Variants in PCDHGA1 observed in about 807,000 individuals in gnomAD.
The protein encoded by PCDHGA1 is protocadherin gamma subfamily A, 1.
Under a neutral mutation model 58.0 loss-of-function variants are expected in PCDHGA1, and 32 were observed. The ratio of observed to expected loss-of-function variants is 0.55; its 90% CI spans 0.42 to 0.74. The LOEUF (loss-of-function observed/expected upper bound fraction) is 0.74. PCDHGA1 is among the 30% of genes least tolerant of loss of function. The pLI is 0.00. For missense variants in PCDHGA1, 1,205 were observed against 1,182.3 expected (o/e 1.02, Z -0.28); for synonymous variants, 498 against 501.1 (o/e 0.99, Z 0.08).
At chr5:141,450,006 CTT>C (rs1554136305) in intron 1 of PCDHGA1, among the ~76,000 whole-genome samples, 13 of 132,938 alleles carry the variant, frequency 9.8e-5, no homozygotes, top group Non-Finnish European at 7.9e-5. Flanking sequence ...TGCCATGTCT[CTT>C]TTTTTTTTTT....
At chr5:141,365,624 CT>C (rs746073456) in intron 1 of PCDHGA1, 28 of 1,613,680 alleles carry the variant, frequency 1.7e-5, no homozygotes, top group East Asian at 1.3e-4. Flanking sequence ...AACCCCGCCC[CT>C]CTCTACAGAA....
Position 141,414,298 on chromosome 5 carries a change from G to A in PCDHGA1, c.2422-80509G>A, listed in dbSNP as rs200349573. ...GGGAACAGTCGTAGCCCTTTTAAAT[G>A]TGCATGATTTAGACTCTGAGCAGAA... On this transcript the variant is annotated intron_variant, in intron 1 of 3. Transcript: ENST00000517417. The A allele has an allele frequency of 1.9e-5, 30 of 1,613,626 alleles. No homozygotes were observed. In the East Asian group the frequency reaches 6.7e-4, roughly 36 times the overall value.
chr5:141,371,628 C>G (rs1247615659), intron 1 of PCDHGA1: 1 of 1,614,006 alleles, frequency 6.2e-7, no homozygotes, highest in Non-Finnish European at 8.5e-7. Flanking sequence ...AGCCCTGGAC[C>G]GGGAGCAGAT....
chr5:141,339,417 G>A, intron 1 of PCDHGA1: 1 of 1,614,236 alleles, frequency 6.2e-7, no homozygotes, highest in Admixed American at 1.7e-5. Context: ...ACTACGCCAG[G>A]ATTCCGGATT....
chr5:141,464,053 T>C (rs111614367), intron 1 of PCDHGA1, among the ~76,000 whole-genome samples: 9,857 of 152,054 alleles, frequency 0.065, 668 homozygotes, highest in African/African-American at 0.17. Flanking sequence ...TCACCTGAGG[T>C]CAGGAGTTCA....
chr5:141,431,442 TCC>T lies in PCDHGA1; in HGVS notation c.2422-63364_2422-63363del. ...CCGGTGCGCACAGGCACCGCGCGCATCCGCGTGATGGTTCTGGATGCGAACGA... is the reference window on the plus strand; with the variant it reads ...CCGGTGCGCACAGGCACCGCGCGCATGCGTGATGGTTCTGGATGCGAACGA... On this transcript the variant is annotated intron_variant, in intron 1 of 3. Transcript: ENST00000517417. This position sits in a 1 kb window ranked among gnomAD's most constrained non-coding sequence, Gnocchi z 4.8. 1 of 1,613,746 alleles carries T rather than the reference TCC, an allele frequency of 6.2e-7. No homozygotes were observed. The highest frequency in any genetic ancestry group is 1.3e-5 in the African/African-American group (1 of 75,074).
chr5:141,384,528 C>A (rs1443944722), intron 1 of PCDHGA1: 2 of 1,614,136 alleles, frequency 1.2e-6, no homozygotes, highest in Admixed American at 3.3e-5. Flanking sequence ...CGCCTCTCAG[C>A]AGCAACATGT....
chr5:141,493,336 A>G lies in PCDHGA1; in HGVS notation c.2422-1471A>G, dbSNP rs1049621539. Among the ~76,000 whole-genome samples, 4 of 152,202 alleles carry G rather than the reference A, an allele frequency of 2.6e-5. No homozygotes were observed. Among genetic ancestry groups the G allele is most frequent in the African/African-American group, 9.7e-5 (4 of 41,450 alleles). On this transcript the variant is annotated intron_variant, in intron 1 of 3. Transcript: ENST00000517417. The surrounding 1 kb of genome is among the most constrained non-coding windows in gnomAD (Gnocchi z 4.3). ...GAGATTCTAACCCCTGTCTAACTCC[A>G]GAATGTGTGCTTTTAATTTCTTGGC...
intron 1 of PCDHGA1, chr5:141,361,783 G>A (rs375966726): frequency 7.7e-5 from 125 of 1,613,126 alleles, no homozygotes; most frequent in Admixed American, 3.0e-4. Flanking sequence ...GAGCCTGCGC[G>A]TGTTAGTGGG....
intron 1 of PCDHGA1, chr5:141,375,203 C>T (rs1346536726): frequency 4.3e-6 from 7 of 1,613,912 alleles, no homozygotes; most frequent in Non-Finnish European, 5.1e-6. Flanking sequence ...AGTGTTCGAT[C>T]GAGACTCTGG....
intron 1 of PCDHGA1, chr5:141,374,914 A>G: frequency 6.2e-7 from 1 of 1,613,906 alleles, no homozygotes; most frequent in African/African-American, 1.3e-5. Context: ...ACGGGGAAGT[A>G]ACTTATTCCT....
At chr5:141,427,951 A>G in intron 1 of PCDHGA1, 1 of 1,586,612 alleles carries the variant, frequency 6.3e-7, no homozygotes, top group Non-Finnish European at 8.6e-7. Flanking sequence ...CTCAATGACA[A>G]TGTGCCGCGG....
intron 1 of PCDHGA1, among the ~76,000 whole-genome samples, chr5:141,472,357 C>T (rs1020143523): frequency 2.4e-4 from 37 of 152,012 alleles, no homozygotes; most frequent in Non-Finnish European, 1.5e-4. Context: ...CTGGCTAACA[C>T]GGTGAAACCC....
Position 141,431,449 on chromosome 5 carries a change from G to A in PCDHGA1, c.2422-63358G>A. Reference sequence around the variant, plus strand: ...GCACAGGCACCGCGCGCATCCGCGTGATGGTTCTGGATGCGAACGACAACG... The same window carrying A: ...GCACAGGCACCGCGCGCATCCGCGTAATGGTTCTGGATGCGAACGACAACG... On this transcript the variant is annotated intron_variant, in intron 1 of 3. Coordinates refer to ENST00000517417, the MANE Select transcript of PCDHGA1 (RefSeq NM_018912.3). The surrounding 1 kb of genome is among the most constrained non-coding windows in gnomAD (Gnocchi z 4.8). The A allele has an allele frequency of 6.2e-7, 1 of 1,613,742 alleles. No individual in the cohort carries two copies. Among genetic ancestry groups the A allele is most frequent in the South Asian group, 1.1e-5 (1 of 91,082 alleles).
intron 1 of PCDHGA1, chr5:141,427,957 C>G (rs770633827): frequency 1.3e-5 from 20 of 1,588,284 alleles, no homozygotes; most frequent in African/African-American, 2.7e-5. Flanking sequence ...GACAATGTGC[C>G]GCGGGTGCTG....
chr5:141,450,107 A>G (rs1228532939), intron 1 of PCDHGA1, among the ~76,000 whole-genome samples: 3 of 150,976 alleles, frequency 2.0e-5, no homozygotes, highest in Non-Finnish European at 4.4e-5. Flanking sequence ...CCCAGGTTCA[A>G]ATGATTCTCC....
chr5:141,441,364 CGT>C (rs1283671958), intron 1 of PCDHGA1: 1 of 152,528 alleles, frequency 6.6e-6, no homozygotes, highest in African/African-American at 2.4e-5. Context: ...CAAATGGGGC[CGT>C]GGACCAGGAA....
At chr5:141,469,896 C>T (rs934040636) in intron 1 of PCDHGA1, among the ~76,000 whole-genome samples, 4 of 152,074 alleles carry the variant, frequency 2.6e-5, no homozygotes, top group Admixed American at 6.5e-5. Context: ...TTTGGGAAGC[C>T]GAGGCAGGCA....
intron 1 of PCDHGA1, chr5:141,478,841 A>G (rs1335486924): frequency 1.4e-5 from 19 of 1,405,590 alleles, no homozygotes; most frequent in Non-Finnish European, 1.8e-5. Flanking sequence ...GGGATGGTTA[A>G]GCTAAAACAC....
Sources: gnomAD v4.1 joint callset for allele counts (sites outside exome capture counted in the v4.1 genomes callset) on GRCh38, gnomAD v4.1.1 for gene constraint, Gnocchi (gnomAD v3.1) non-coding constraint, MANE v1.5 for transcripts, NCBI Gene and HGNC (gene_info 2026-07-23, HGNC 2026-07-21) for gene names.